FBXO22: variants seen among roughly 807,000 people sequenced by gnomAD.
FBXO22 encodes F-box protein 22.
FBXO22 carries 13 observed loss-of-function variants against 37.2 expected under a neutral mutation model. The ratio of observed to expected loss-of-function variants is 0.35; its 90% CI spans 0.23 to 0.56. The LOEUF (loss-of-function observed/expected upper bound fraction) is 0.56. Ranked by LOEUF, FBXO22 falls within the 20% of genes least tolerant of loss-of-function variation. The pLI is 0.87. For synonymous variants in FBXO22, 189 were observed against 189.1 expected, an observed-to-expected ratio of 1.00 and a Z score of 0.00; for missense variants, 446 against 509.9, an observed-to-expected ratio of 0.87 and a Z score of 1.21.
rs1010886709 is a variant in FBXO22 at position 75,933,758 on chromosome 15, A to G, written c.*656A>G. ...TTCACCTAGGTCTAAATAGCTAACTAACTGGTAGACCAGAGTATTACATCA... is the reference window on the plus strand; with the variant it reads ...TTCACCTAGGTCTAAATAGCTAACTGACTGGTAGACCAGAGTATTACATCA... On this transcript the variant is annotated 3_prime_UTR_variant, in exon 7 of 7. Coordinates refer to ENST00000308275, the MANE Select transcript of FBXO22 (RefSeq NM_147188.3). The G allele has an allele frequency of 2.5e-5, 8 of 317,082 alleles. No individual in the cohort carries two copies. Among genetic ancestry groups the G allele is most frequent in the Non-Finnish European group, 4.9e-5 (8 of 164,334 alleles). 19.6% of individuals were successfully genotyped at this position (317,082 alleles called of 1,614,324 possible).
At chr15:75,913,386 T>C (rs1339055060) in intron 3 of FBXO22, 96 bp downstream of exon 3, 2 of 813,624 alleles carry the variant, frequency 2.5e-6, no homozygotes, top group Admixed American at 2.2e-5. Flanking sequence ...TTAACTGACT[T>C]TCTGAGGCTC....
chr15:75,931,272 A>C (rs1312675533), intron 6 of FBXO22, among the ~76,000 whole-genome samples: 42 of 152,120 alleles, frequency 2.8e-4, no homozygotes, highest in Non-Finnish European at 2.9e-5. Flanking sequence ...AATAAGAGAA[A>C]CACCCCCCAC....
At chr15:75,913,794 T>C (rs543645948) in intron 3 of FBXO22, among the ~76,000 whole-genome samples, 2 of 152,278 alleles carry the variant, frequency 1.3e-5, no homozygotes, top group South Asian at 2.1e-4. Context: ...TATACTGCAA[T>C]ATCAGCTGAA....
rs977653989 is a variant in FBXO22, at chr15:75,903,893, G to C, written c.-71G>C. 4.8e-5 allele frequency: 68 copies of C among 1,405,336 alleles called. 1 individual carries two copies. In the African/African-American group the frequency reaches 7.0e-4, roughly 15 times the overall value. The allele number at this position is 1,405,336 out of a possible 1,614,324, so 87.1% of individuals were successfully genotyped here. On this transcript the variant is annotated 5_prime_UTR_variant, in exon 1 of 7. Transcript: ENST00000308275. Reference sequence around the variant, plus strand: ...ACGCCTGCTCAGTGCGCGCCGGCCGGGCAACCCTATGCTGGCGTAATCGGG... The same window carrying C: ...ACGCCTGCTCAGTGCGCGCCGGCCGCGCAACCCTATGCTGGCGTAATCGGG...
In FBXO22 at chr15:75,903,922, C is replaced by T. The variant is rs1190431101; in HGVS notation, c.-42C>T. 4 of 1,467,904 alleles carry T rather than the reference C, an allele frequency of 2.7e-6. No homozygotes were observed. The highest frequency in any genetic ancestry group is 2.4e-5 in the Admixed American group (1 of 42,470). The allele number at this position is 1,467,904 out of a possible 1,614,324, so 90.9% of individuals were successfully genotyped here. A position where few individuals can be genotyped will look rare whatever the true frequency, so the allele number is the denominator to read the frequency against. On this transcript the variant is annotated 5_prime_UTR_variant, in exon 1 of 7. Transcript: ENST00000308275. ...ACCCTATGCTGGCGTAATCGGGTTC[C>T]TCCGAGCCGCCGTAGGACTGGTTCC...
At position 75,940,123 on chromosome 15, in the gene FBXO22, A is replaced by C. The variant is rs1030834685; in HGVS notation, c.*7021A>C. On this transcript the variant is annotated 3_prime_UTR_variant, in exon 7 of 7. Coordinates refer to ENST00000308275, the MANE Select transcript of FBXO22 (RefSeq NM_147188.3). ...GAAAGATTCCACACCAAAAAAAAAA[A>C]ATAACTGTTAATTCAGTAAGGTAGC... is the stretch of plus-strand genomic sequence containing the variant. The C allele has an allele frequency of 4.0e-5, 5 of 126,002 alleles. No individual in the cohort carries two copies. The highest frequency in any genetic ancestry group is 2.3e-4 in the South Asian group (1 of 4,390). The allele number at this position is 126,002 out of a possible 1,614,324, so 7.8% of individuals were successfully genotyped here.
intron 4 of FBXO22, 69 bp downstream of exon 4, chr15:75,914,274 AT>A: frequency 2.8e-6 from 3 of 1,061,420 alleles, no homozygotes; most frequent in Middle Eastern, 2.0e-4. Flanking sequence ...TTGGTGAGTT[AT>A]TTTTAGCTTA....
intron 5 of FBXO22, among the ~76,000 whole-genome samples, chr15:75,919,542 A>G (rs545125653): frequency 4.6e-5 from 7 of 152,272 alleles, no homozygotes; most frequent in East Asian, 1.9e-4. Context: ...AAGTTTTTCA[A>G]TTTTTCTAAA....
rs1261196689 is a variant in FBXO22, at chr15:75,920,903, C to T, written c.628+3509C>T. ...ATGTAGATTCTGTCTCAGTGACATTCCAGAAAAGGTATGAAGAATACATAT... is the reference window on the plus strand; with the variant it reads ...ATGTAGATTCTGTCTCAGTGACATTTCAGAAAAGGTATGAAGAATACATAT... On this transcript the variant is annotated intron_variant, in intron 5 of 6. Transcript: ENST00000308275. 2.6e-5 allele frequency among the ~76,000 whole-genome samples: 4 copies of T among 152,196 alleles called. No homozygotes were observed. In the South Asian group the frequency reaches 8.3e-4, roughly 32 times the overall value.
intron 2 of FBXO22, among the ~76,000 whole-genome samples, chr15:75,911,757 C>T (rs923958669): frequency 1.3e-5 from 2 of 151,332 alleles, no homozygotes; most frequent in Non-Finnish European, 2.9e-5. Flanking sequence ...ATGCTTTATT[C>T]TTTCTCTTGC....
At chr15:75,915,868 C>T (rs1264412699) in intron 4 of FBXO22, among the ~76,000 whole-genome samples, 3 of 150,482 alleles carry the variant, frequency 2.0e-5, no homozygotes, top group Non-Finnish European at 4.4e-5. Context: ...CCATTGCACT[C>T]CATCCTGGAT....
chr15:75,904,395 TCTC>T, intron 1 of FBXO22, 93 bp from the exon 2 acceptor site: 1 of 1,571,754 alleles, frequency 6.4e-7, no homozygotes, highest in South Asian at 1.1e-5. Flanking sequence ...CCCGCAGGGA[TCTC>T]CTGCTGCTGC....
At chr15:75,911,821 A>G (rs1328694287) in intron 2 of FBXO22, among the ~76,000 whole-genome samples, 1 of 150,338 alleles carries the variant, frequency 6.7e-6, no homozygotes, top group Admixed American at 6.7e-5. Context: ...ATGGTGAGAG[A>G]GGGCATCTTT....
rs748135980 is a variant in FBXO22 at position 75,933,030 on chromosome 15, G to A, written c.1140G>A (p.Glu380=). 5.6e-6 allele frequency: 9 copies of A among 1,614,128 alleles called. No homozygotes were observed. Among genetic ancestry groups the A allele is most frequent in the Non-Finnish European group, 7.6e-6 (9 of 1,180,000 alleles). The change falls in exon 7 of 7, where the codon GAG becomes GAA. Residue 380 remains glutamate, a synonymous_variant. Coordinates refer to ENST00000308275, the MANE Select transcript of FBXO22 (RefSeq NM_147188.3). Reference sequence around the variant, plus strand: ...ACTTTATATTGAGGAAATGTAATGAGGTAAAAGATGATGATCTGTTTCATA... The same window carrying A: ...ACTTTATATTGAGGAAATGTAATGAAGTAAAAGATGATGATCTGTTTCATA... ...TGNFILRKCN[E]VKDDDLFHSY... is the part of the protein sequence containing the mutation.
chr15:75,937,446 T>C lies in FBXO22; in HGVS notation c.*4344T>C, dbSNP rs1398443753. 1 of 147,082 alleles carries C rather than the reference T, an allele frequency of 6.8e-6. No individual in the cohort carries two copies. Among genetic ancestry groups the C allele is most frequent in the East Asian group, 2.0e-4 (1 of 4,934 alleles). The allele number at this position is 147,082 out of a possible 1,614,324, so 9.1% of individuals were successfully genotyped here. On this transcript the variant is annotated 3_prime_UTR_variant, in exon 7 of 7. Coordinates refer to ENST00000308275, the MANE Select transcript of FBXO22 (RefSeq NM_147188.3). ...ATGGTGTGAACCTGGGAGGTGGAGC[T>C]TGCAGTGAGCCGAGATCGTGCCACT...
rs1367109725 is a variant in FBXO22 at position 75,942,455 on chromosome 15, A to ACTAT, written c.*9356_*9359dup. The ACTAT allele has an allele frequency of 3.9e-5, 6 of 152,328 alleles. No homozygotes were observed. The East Asian group carries it at 7.7e-4, about 20-fold the overall frequency. 9.4% of individuals were successfully genotyped at this position (152,328 alleles called of 1,614,324 possible). A position where few individuals can be genotyped will look rare whatever the true frequency, so the allele number is the denominator to read the frequency against. On this transcript the variant is annotated 3_prime_UTR_variant, in exon 7 of 7. Coordinates refer to ENST00000308275, the MANE Select transcript of FBXO22 (RefSeq NM_147188.3). ...GGGGGGAAGCATAGGGGAACTCTATACTATCTGCTCAGTTTTTCTGAAAAT... is the reference window on the plus strand; with the variant it reads ...GGGGGGAAGCATAGGGGAACTCTATACTATCTATCTGCTCAGTTTTTCTGAAAAT...
intron 4 of FBXO22, among the ~76,000 whole-genome samples, chr15:75,915,579 A>C (rs547866288): frequency 1.3e-5 from 2 of 152,026 alleles, no homozygotes; most frequent in South Asian, 4.2e-4. Context: ...CAGCCTGGCC[A>C]ACATGGCAAA....
chr15:75,929,839 C>G, intron 5 of FBXO22, 45 bp from the exon 6 acceptor site: 1 of 1,605,812 alleles, frequency 6.2e-7, no homozygotes, highest in Non-Finnish European at 8.5e-7. Flanking sequence ...AAAATAATTT[C>G]TGTTTTAAGG....
intron 5 of FBXO22, among the ~76,000 whole-genome samples, chr15:75,927,797 C>G (rs1318169340): frequency 6.6e-6 from 1 of 152,152 alleles, no homozygotes; most frequent in African/African-American, 2.4e-5. Flanking sequence ...AGTAATTGGT[C>G]ATTCACGCAT....
Sources: allele counts gnomAD v4.1 joint callset (sites outside exome capture counted in the v4.1 genomes callset), GRCh38; gene constraint gnomAD v4.1.1; transcripts MANE v1.5; gene names NCBI Gene and HGNC (gene_info 2026-07-23, HGNC 2026-07-21).